Variants in TLL2 observed in about 807,000 individuals in gnomAD.
TLL2 encodes tolloid-like protein 2.
TLL2 carries 106 observed loss-of-function variants against 123.0 expected under a neutral mutation model. That is an observed-to-expected ratio of 0.86 (90% CI 0.74 to 1.01). TLL2 has a LOEUF of 1.01. Ranked by LOEUF, TLL2 falls within the 50% of genes least tolerant of loss-of-function variation. TLL2 has a pLI of 0.00. For synonymous variants in TLL2, 494 were observed against 516.8 expected, an observed-to-expected ratio of 0.96 and a Z score of 0.60; for missense variants, 1,332 against 1,336.7, an observed-to-expected ratio of 1.00 and a Z score of 0.06.
chr10:96,443,778 A>G (rs1198260659), intron 3 of TLL2, among the ~76,000 whole-genome samples: 2 of 152,252 alleles, frequency 1.3e-5, no homozygotes, highest in African/African-American at 4.8e-5. Flanking sequence ...AAAGTGAAGG[A>G]CCATTGAGTA....
chr10:96,506,261 A>AAG, intron 1 of TLL2, among the ~76,000 whole-genome samples: 1 of 137,204 alleles, frequency 7.3e-6, no homozygotes, highest in East Asian at 2.0e-4. Flanking sequence ...CAAAAAAAAA[A>AAG]AAAAGAAAAA....
chr10:96,473,179 G>C (rs1847201977), intron 2 of TLL2, among the ~76,000 whole-genome samples: 1 of 152,180 alleles, frequency 6.6e-6, no homozygotes, highest in Non-Finnish European at 1.5e-5. Flanking sequence ...CCAAGCCTGG[G>C]CGTGTTGGCT....
chr10:96,461,116 C>CTA (rs1301816971), intron 2 of TLL2, among the ~76,000 whole-genome samples: 2 of 152,176 alleles, frequency 1.3e-5, no homozygotes, highest in Admixed American at 1.3e-4. Flanking sequence ...CACTTTCCAG[C>CTA]TATTAAATTA....
At chr10:96,377,240 T>C (rs1043967092) in intron 17 of TLL2, among the ~76,000 whole-genome samples, 1 of 152,226 alleles carries the variant, frequency 6.6e-6, no homozygotes, top group East Asian at 1.9e-4. Flanking sequence ...TCGAATGAGA[T>C]AATGCATGGG....
rs767419853 is a variant in TLL2, at chr10:96,370,161, C to A, written c.2817G>T (p.Glu939Asp). Residue 939 changes from glutamate to aspartate, a missense_variant, in exon 20 of 21, where the codon GAG becomes GAT. By Grantham distance (45) the Glu-to-Asp change is conservative (BLOSUM62 2). Coordinates refer to ENST00000357947, the MANE Select transcript of TLL2 (RefSeq NM_012465.4). ...AGCCGCAGTCGGCCTCCTCCTCAAC[C>A]TCAAAGGTCCGGAATGTCAGCTCCA... ...YGVELTFRTF[E>D]VEEEADCGYD... The A allele has an allele frequency of 1.2e-6, 2 of 1,613,994 alleles. No individual in the cohort carries two copies. The highest frequency in any genetic ancestry group is 1.7e-6 in the Non-Finnish European group (2 of 1,179,998).
At chr10:96,432,157 T>C in intron 4 of TLL2, among the ~76,000 whole-genome samples, 1 of 152,172 alleles carries the variant, frequency 6.6e-6, no homozygotes, top group East Asian at 1.9e-4. Context: ...TAATATCAGA[T>C]ACATACTAAT....
rs531219451 is a variant in TLL2, at chr10:96,430,233, C to T, written c.521-1485G>A. Among the ~76,000 whole-genome samples the T allele has an allele frequency of 3.9e-5, 6 of 152,262 alleles. No individual in the cohort carries two copies. The South Asian group carries it at 8.3e-4, about 21-fold the overall frequency. On this transcript the variant is annotated intron_variant, in intron 4 of 20. Coordinates refer to ENST00000357947, the MANE Select transcript of TLL2 (RefSeq NM_012465.4). ...GCCATCCCCTTGGTGAATGAGCTCT[C>T]GCTCTGAGTTCATGAGAGATTTGGT...
intron 7 of TLL2, among the ~76,000 whole-genome samples, chr10:96,415,807 C>T (rs1246086205): frequency 7.1e-6 from 1 of 140,700 alleles, no homozygotes; most frequent in Non-Finnish European, 1.5e-5. Context: ...AAATTCTGCA[C>T]TACATTAGAA....
chr10:96,438,074 T>C (rs1026635734), intron 3 of TLL2, among the ~76,000 whole-genome samples: 4 of 152,174 alleles, frequency 2.6e-5, no homozygotes, highest in African/African-American at 9.7e-5. Context: ...TCAGTCTTCT[T>C]TTTCATAATT....
At chr10:96,370,354 A>T in intron 19 of TLL2, 39 bp from the exon 20 acceptor site, 1 of 1,515,714 alleles carries the variant, frequency 6.6e-7, no homozygotes, top group Admixed American at 2.1e-5. Flanking sequence ...TCAGCACAAG[A>T]CACCCTCGTG....
intron 5 of TLL2, among the ~76,000 whole-genome samples, chr10:96,423,397 G>A (rs1846645828): frequency 6.6e-6 from 1 of 152,140 alleles, no homozygotes; most frequent in African/African-American, 2.4e-5. Flanking sequence ...ACGGGAAGGA[G>A]GCAGATGAGT....
intron 20 of TLL2, among the ~76,000 whole-genome samples, chr10:96,369,760 G>GAA (rs112144254): frequency 7.6e-5 from 8 of 105,798 alleles, no homozygotes; most frequent in East Asian, 2.9e-4. Context: ...GGAAAAAAAA[G>GAA]AAAAAAAAAA....
chr10:96,403,882 G>A (rs553318093), intron 10 of TLL2, among the ~76,000 whole-genome samples: 1 of 152,244 alleles, frequency 6.6e-6, no homozygotes, highest in South Asian at 2.1e-4. Context: ...CAGCAATGCT[G>A]CCTTGTTATT....
intron 7 of TLL2, among the ~76,000 whole-genome samples, chr10:96,417,884 C>T (rs1404007180): frequency 6.6e-6 from 1 of 152,178 alleles, no homozygotes; most frequent in Non-Finnish European, 1.5e-5. Flanking sequence ...GACTAACTAA[C>T]CCACAGTATC....
chr10:96,434,241 C>T (rs1189755479), intron 3 of TLL2, among the ~76,000 whole-genome samples: 3 of 152,168 alleles, frequency 2.0e-5, no homozygotes, highest in African/African-American at 7.2e-5. Context: ...GTATACCATT[C>T]AGTGGCTTTT....
chr10:96,479,599 G>C (rs1470126776), intron 2 of TLL2, among the ~76,000 whole-genome samples: 1 of 152,220 alleles, frequency 6.6e-6, no homozygotes, highest in Non-Finnish European at 1.5e-5. Flanking sequence ...GAGAGCAGTG[G>C]GAGAGGAGAC....
At chr10:96,478,323 A>T (rs570932592) in intron 2 of TLL2, among the ~76,000 whole-genome samples, 7 of 152,346 alleles carry the variant, frequency 4.6e-5, no homozygotes, top group Non-Finnish European at 7.3e-5. Context: ...ACCAAGACTC[A>T]AAGCCTTACT....
chr10:96,508,381 G>C (rs1847596671), intron 1 of TLL2, among the ~76,000 whole-genome samples: 1 of 152,336 alleles, frequency 6.6e-6, no homozygotes, highest in South Asian at 2.1e-4. Context: ...GTCTTGGAGA[G>C]AATGGCAGAG....
intron 8 of TLL2, among the ~76,000 whole-genome samples, chr10:96,412,164 C>T (rs1466184261): frequency 6.6e-6 from 1 of 152,168 alleles, no homozygotes; most frequent in African/African-American, 2.4e-5. Context: ...AACACGCCCC[C>T]AGATGACTAA....
Sources: allele counts gnomAD v4.1 joint callset (sites outside exome capture counted in the v4.1 genomes callset), GRCh38; gene constraint gnomAD v4.1.1; transcripts MANE v1.5; gene names NCBI Gene and HGNC (gene_info 2026-07-23, HGNC 2026-07-21).